Variants in STAM observed in about 807,000 individuals in gnomAD.
The protein encoded by STAM is signal transducing adaptor molecule.
STAM carries 16 observed loss-of-function variants against 63.4 expected under a neutral mutation model. The ratio of observed to expected loss-of-function variants is 0.25; its 90% CI spans 0.17 to 0.38. The LOEUF is 0.38. Ranked by LOEUF, STAM falls within the 10% of genes least tolerant of loss-of-function variation. The pLI, the probability that STAM is intolerant of heterozygous loss-of-function variation, is 1.00. For synonymous variants in STAM, 238 were observed against 223.9 expected, an observed-to-expected ratio of 1.06 and a Z score of -0.56; for missense variants, 636 against 657.1, an observed-to-expected ratio of 0.97 and a Z score of 0.35.
At chr10:17,693,840 A>G (rs536390694) in intron 6 of STAM, among the ~76,000 whole-genome samples, 2 of 152,216 alleles carry the variant, frequency 1.3e-5, no homozygotes, top group African/African-American at 4.8e-5. Flanking sequence ...ACTAAAAGCA[A>G]TATTGTTGGA....
At chr10:17,670,992 C>T (rs1834616828) in intron 2 of STAM, among the ~76,000 whole-genome samples, 1 of 152,174 alleles carries the variant, frequency 6.6e-6, no homozygotes, top group African/African-American at 2.4e-5. Context: ...CTCTTACAGT[C>T]TGTGACATGC....
chr10:17,648,493 A>G (rs1462632204), intron 1 of STAM, among the ~76,000 whole-genome samples: 2 of 152,152 alleles, frequency 1.3e-5, no homozygotes, highest in Non-Finnish European at 2.9e-5. Flanking sequence ...ACTCTGCACA[A>G]TAAATCTTGG....
At chr10:17,665,790 A>G (rs538480791) in intron 2 of STAM, among the ~76,000 whole-genome samples, 1 of 151,842 alleles carries the variant, frequency 6.6e-6, no homozygotes, top group South Asian at 2.1e-4. Flanking sequence ...TTAAATCTTG[A>G]AATACTTGAT....
intron 8 of STAM, among the ~76,000 whole-genome samples, chr10:17,697,597 T>C (rs1174234338): frequency 6.6e-6 from 1 of 152,214 alleles, no homozygotes; most frequent in Admixed American, 6.5e-5. Context: ...TCAGGAGACA[T>C]AGCTACATAG....
At chr10:17,648,748 C>A (rs1833622319) in intron 1 of STAM, among the ~76,000 whole-genome samples, 1 of 152,202 alleles carries the variant, frequency 6.6e-6, no homozygotes, top group Non-Finnish European at 1.5e-5. Context: ...ACAATCAGTT[C>A]TCATTTACAA....
At chr10:17,666,444 G>A (rs1405675054) in intron 2 of STAM, among the ~76,000 whole-genome samples, 3 of 139,480 alleles carry the variant, frequency 2.2e-5, no homozygotes, top group African/African-American at 8.4e-5. Context: ...GCTCAGGCTG[G>A]AGTGCAGTGG....
chr10:17,651,413 G>A (rs1464024441), intron 1 of STAM, among the ~76,000 whole-genome samples: 4 of 152,160 alleles, frequency 2.6e-5, no homozygotes, highest in African/African-American at 9.7e-5. Context: ...ATAGATGTGG[G>A]GACTATTGGA....
chr10:17,645,068 A>G (rs967004215), intron 1 of STAM, among the ~76,000 whole-genome samples: 1 of 152,244 alleles, frequency 6.6e-6, no homozygotes, highest in Non-Finnish European at 1.5e-5. Flanking sequence ...TGTTTTCTGA[A>G]TCACTGGTAT....
intron 2 of STAM, among the ~76,000 whole-genome samples, chr10:17,666,325 GA>G (rs1834373790): frequency 6.7e-6 from 1 of 149,878 alleles, no homozygotes; most frequent in Admixed American, 6.6e-5. Flanking sequence ...GGTGTTTTGT[GA>G]AAAATACAAA....
intron 2 of STAM, among the ~76,000 whole-genome samples, chr10:17,669,388 A>G (rs1461284707): frequency 6.9e-6 from 1 of 144,800 alleles, no homozygotes; most frequent in Non-Finnish European, 1.5e-5. Flanking sequence ...GTTGTTTTAG[A>G]TATTCTTTCC....
At position 17,644,424 on chromosome 10, in the gene STAM, C is replaced by T. The variant is rs368328656; in HGVS notation, c.40+45C>T. 7 of 1,610,978 alleles carry T rather than the reference C, an allele frequency of 4.3e-6. No homozygotes were observed. In the East Asian group the frequency reaches 8.9e-5, roughly 21 times the overall value. ...CCTGCCCATTCCTCACCGGACTGCA[C>T]GCTCACTCTGCCAGCCCCTGCCTGC... On this transcript the variant is annotated intron_variant, in intron 1 of 13. Coordinates refer to ENST00000377524, the MANE Select transcript of STAM (RefSeq NM_003473.4).
chr10:17,667,426 G>T (rs1462799554), intron 2 of STAM, among the ~76,000 whole-genome samples: 12 of 152,220 alleles, frequency 7.9e-5, no homozygotes, highest in African/African-American at 2.9e-4. Flanking sequence ...CCAGCCCATA[G>T]AATTTTTTTT....
At chr10:17,689,790 C>T (rs1554826547) in intron 5 of STAM, among the ~76,000 whole-genome samples, 1 of 152,162 alleles carries the variant, frequency 6.6e-6, no homozygotes, top group Non-Finnish European at 1.5e-5. Context: ...CTGGCATTAC[C>T]TGGAGGCTTG....
intron 1 of STAM, among the ~76,000 whole-genome samples, chr10:17,654,460 G>A (rs1833861652): frequency 6.6e-6 from 1 of 152,046 alleles, no homozygotes; most frequent in Non-Finnish European, 1.5e-5. Flanking sequence ...CTGACCTCGT[G>A]ATCCGCCCAC....
intron 5 of STAM, among the ~76,000 whole-genome samples, chr10:17,690,900 A>G (rs1318514876): frequency 6.6e-6 from 1 of 152,208 alleles, no homozygotes; most frequent in Non-Finnish European, 1.5e-5. Context: ...GAACCTGATG[A>G]TAGAAAGGAA....
chr10:17,695,685 G>A (rs1296730619), intron 7 of STAM: 1 of 152,548 alleles, frequency 6.6e-6, no homozygotes, highest in African/African-American at 2.4e-5. Context: ...GTGATACAGT[G>A]CATCAGTTTA....
rs1311140010 is a variant in STAM, at chr10:17,715,566, G to A, written c.*786G>A. ...TGGCATGACATTTCAGAGTATTGTG[G>A]GACCATGAGACAAAATTAAGTACGA... is the stretch of plus-strand genomic sequence containing the variant. On this transcript the variant is annotated 3_prime_UTR_variant, in exon 14 of 14. Coordinates refer to ENST00000377524, the MANE Select transcript of STAM (RefSeq NM_003473.4). The A allele has an allele frequency of 1.3e-5, 2 of 152,414 alleles. No individual in the cohort carries two copies. Among genetic ancestry groups the A allele is most frequent in the African/African-American group, 4.8e-5 (2 of 41,376 alleles). The allele number at this position is 152,414 out of a possible 1,614,324, so 9.4% of individuals were successfully genotyped here. A position where few individuals can be genotyped will look rare whatever the true frequency, so the allele number is the denominator to read the frequency against.
intron 13 of STAM, among the ~76,000 whole-genome samples, chr10:17,710,989 G>T (rs893367654): frequency 2.0e-5 from 3 of 152,186 alleles, no homozygotes; most frequent in Non-Finnish European, 4.4e-5. Context: ...TGCTGGTAGA[G>T]CAAATGTAGG....
intron 5 of STAM, among the ~76,000 whole-genome samples, chr10:17,692,217 C>T (rs1835569869): frequency 6.6e-6 from 1 of 152,164 alleles, no homozygotes; most frequent in Non-Finnish European, 1.5e-5. Flanking sequence ...CTGTCTGACT[C>T]CACAACTTAC....
Sources: gnomAD v4.1 joint callset for allele counts (sites outside exome capture counted in the v4.1 genomes callset) on GRCh38, gnomAD v4.1.1 for gene constraint, MANE v1.5 for transcripts, NCBI Gene and HGNC (gene_info 2026-07-23, HGNC 2026-07-21) for gene names.